ANK2: variants seen among roughly 807,000 people sequenced by gnomAD.
The protein encoded by ANK2 is ankyrin 2, also known as ankyrin-2.
In ANK2, 83 loss-of-function variants were observed where a neutral mutation model predicts 360.5. The observed-to-expected ratio is 0.23, with a 90% confidence interval of 0.19 to 0.28. The LOEUF (loss-of-function observed/expected upper bound fraction) is 0.28, where lower values mean the gene tolerates loss of function less well. Among genes scored for constraint, ANK2 ranks in the 10% least tolerant of loss-of-function variants. The pLI, the probability that ANK2 is intolerant of heterozygous loss-of-function variation, is 1.00. For missense variants in ANK2, 4,201 were observed against 4,795.7 expected (o/e 0.88, Z 3.66); for synonymous variants, 1,740 against 1,759.5 (o/e 0.99, Z 0.28).
intron 2 of ANK2, among the ~76,000 whole-genome samples, chr4:112,957,844 G>A (rs1167996706): frequency 2.7e-5 from 4 of 149,620 alleles, no homozygotes; most frequent in African/African-American, 5.0e-5. Context: ...CAGACGGGGC[G>A]GTTGCCAGGC....
intron 1 of ANK2, among the ~76,000 whole-genome samples, chr4:113,083,496 T>A (rs1304682361): frequency 6.6e-6 from 1 of 152,174 alleles, no homozygotes; most frequent in Non-Finnish European, 1.5e-5. Context: ...TAATTCCTCT[T>A]GAGTTAGATA....
chr4:113,304,014 T>C (rs1024084925), intron 23 of ANK2, among the ~76,000 whole-genome samples: 1 of 152,232 alleles, frequency 6.6e-6, no homozygotes. Flanking sequence ...TCAGCTTTTA[T>C]AAAAATTTAT....
intron 2 of ANK2, among the ~76,000 whole-genome samples, chr4:112,912,399 C>T (rs2087929412): frequency 6.6e-6 from 1 of 151,990 alleles, no homozygotes; most frequent in Admixed American, 6.6e-5. Context: ...GCCATTTATT[C>T]CTACTTAAAA....
At chr4:112,871,134 A>C (rs774232573) in intron 1 of ANK2, among the ~76,000 whole-genome samples, 3 of 151,752 alleles carry the variant, frequency 2.0e-5, no homozygotes, top group African/African-American at 4.8e-5. Context: ...AATAGGACTG[A>C]TATTTGTATA....
chr4:112,990,771 A>G (rs2046471204), intron 2 of ANK2, among the ~76,000 whole-genome samples: 2 of 152,142 alleles, frequency 1.3e-5, no homozygotes, highest in Non-Finnish European at 1.5e-5. Context: ...ACCACCCTCC[A>G]TGTGCATGGT....
chr4:113,360,453 G>A (rs1006047198), intron 38 of ANK2, among the ~76,000 whole-genome samples: 1 of 151,804 alleles, frequency 6.6e-6, no homozygotes, highest in Non-Finnish European at 1.5e-5. Flanking sequence ...CTAGCCAATT[G>A]CTCTACTTCT....
chr4:113,175,127 G>A (rs965610395), intron 2 of ANK2, among the ~76,000 whole-genome samples: 3 of 152,070 alleles, frequency 2.0e-5, no homozygotes, highest in Non-Finnish European at 4.4e-5. Flanking sequence ...GTGTCTAGTG[G>A]ACTGCAGTAT....
chr4:113,340,242 A>G (rs1383742946), intron 32 of ANK2, among the ~76,000 whole-genome samples: 1 of 152,234 alleles, frequency 6.6e-6, no homozygotes, highest in African/African-American at 2.4e-5. Flanking sequence ...TGGGATAGCT[A>G]GAGAGGGTAT....
the ANK2 span, among the ~76,000 whole-genome samples, chr4:112,726,042 T>G: frequency 6.6e-6 from 1 of 152,160 alleles, no homozygotes; most frequent in African/African-American, 2.4e-5. Context: ...CAGAGAACAC[T>G]TCCCTGATAA....
chr4:112,889,010 C>T (rs2079173295), intron 1 of ANK2, among the ~76,000 whole-genome samples: 1 of 152,084 alleles, frequency 6.6e-6, no homozygotes, highest in African/African-American at 2.4e-5. Context: ...TATTGGTTGC[C>T]TTAGACTGTA....
At chr4:112,900,832 C>T (rs1278652855) in intron 1 of ANK2, among the ~76,000 whole-genome samples, 3 of 152,134 alleles carry the variant, frequency 2.0e-5, no homozygotes, top group Non-Finnish European at 4.4e-5. Context: ...TTTACATTGC[C>T]TTGATTTATA....
the ANK2 span, among the ~76,000 whole-genome samples, chr4:112,757,900 A>G: frequency 1.0e-4 from 7 of 69,876 alleles, no homozygotes; most frequent in Admixed American, 1.6e-4. Flanking sequence ...TTTTTTTTTG[A>G]GACGGAGTCT....
At chr4:112,797,822 A>T in the ANK2 span, 1 of 153,344 alleles carries the variant, frequency 6.5e-6, no homozygotes, top group Non-Finnish European at 1.5e-5. Flanking sequence ...ACTTTATATT[A>T]ATACAATGAA....
chr4:113,265,021 C>G (rs1349799835), intron 14 of ANK2, 26 bp downstream of exon 14: 4 of 1,547,300 alleles, frequency 2.6e-6, no homozygotes, highest in Non-Finnish European at 8.8e-7. Flanking sequence ...CTGAGGTTCT[C>G]TTCTATCGCA....
intron 23 of ANK2, among the ~76,000 whole-genome samples, chr4:113,307,481 T>A (rs2077785592): frequency 1.3e-5 from 2 of 150,074 alleles, no homozygotes; most frequent in African/African-American, 5.0e-5. Context: ...AGTGGTGTGA[T>A]CTTAGCTCAC....
intron 2 of ANK2, among the ~76,000 whole-genome samples, chr4:113,189,626 T>C (rs2098617728): frequency 6.6e-6 from 1 of 152,202 alleles, no homozygotes; most frequent in Non-Finnish European, 1.5e-5. Context: ...TGTGCCTCAT[T>C]AGAAGCAGGA....
chr4:113,259,132 C>CTTTGT (rs2051156043), intron 13 of ANK2, among the ~76,000 whole-genome samples: 1 of 152,188 alleles, frequency 6.6e-6, no homozygotes, highest in East Asian at 1.9e-4. Context: ...GTATATCTCT[C>CTTTGT]ATTTTCTTGG....
At chr4:112,967,962 T>C (rs879370771) in intron 2 of ANK2, among the ~76,000 whole-genome samples, 4 of 152,184 alleles carry the variant, frequency 2.6e-5, no homozygotes, top group Non-Finnish European at 5.9e-5. Flanking sequence ...CATACAGACA[T>C]CTTTTTTCCT....
At chr4:113,125,754 G>C (rs925600952) in intron 1 of ANK2, among the ~76,000 whole-genome samples, 2 of 151,856 alleles carry the variant, frequency 1.3e-5, no homozygotes, top group Non-Finnish European at 2.9e-5. Context: ...AATTTTTTTT[G>C]AGCTGACACT....
Sources: allele counts gnomAD v4.1 joint callset (sites outside exome capture counted in the v4.1 genomes callset), GRCh38; gene constraint gnomAD v4.1.1; transcripts MANE v1.5; gene names NCBI Gene and HGNC (gene_info 2026-07-23, HGNC 2026-07-21).